The following SNTG2 variants were observed in gnomAD, a reference collection of about 807,000 sequenced individuals.
The protein encoded by SNTG2 is gamma-2-syntrophin.
A neutral mutation model predicts 70.9 loss-of-function variants in SNTG2; 74 were observed. The ratio of observed to expected loss-of-function variants is 1.04; its 90% CI spans 0.86 to 1.27. SNTG2 has a LOEUF of 1.27. SNTG2 is among the 50% of genes most tolerant of loss of function. The pLI is 0.00. For synonymous variants in SNTG2, 278 were observed against 273.8 expected, an observed-to-expected ratio of 1.02 and a Z score of -0.15; for missense variants, 717 against 690.7, an observed-to-expected ratio of 1.04 and a Z score of -0.43.
intron 16 of SNTG2, among the ~76,000 whole-genome samples, chr2:1,338,667 G>A (rs1468224375): frequency 6.6e-6 from 1 of 152,104 alleles, no homozygotes; most frequent in East Asian, 1.9e-4. Context: ...AGAGCTTAAT[G>A]TCTTCAAGGT....
intron 4 of SNTG2, among the ~76,000 whole-genome samples, chr2:1,112,667 C>T (rs997638822): frequency 4.1e-4 from 59 of 144,964 alleles, no homozygotes; most frequent in East Asian, 2.1e-4. Context: ...TTAACCCTTA[C>T]AGTCCTTTGA....
chr2:1,090,935 A>G (rs1028552939), intron 2 of SNTG2, among the ~76,000 whole-genome samples: 19 of 152,104 alleles, frequency 1.2e-4, no homozygotes, highest in African/African-American at 4.3e-4. Context: ...GGTGTTTTCT[A>G]TCTACCGGGA....
rs188215884 is a variant in SNTG2, at chr2:1,087,689, G to A, written c.210+4034G>A. Among the ~76,000 whole-genome samples, 991 of 152,320 alleles carry A rather than the reference G, an allele frequency of 6.5e-3. 25 individuals carry two copies. Among genetic ancestry groups the A allele is most frequent in the Non-Finnish European group, 4.7e-3 (318 of 68,026 alleles). On this transcript the variant is annotated intron_variant, in intron 2 of 16. Transcript: ENST00000308624. ...AGACCATTAAATAACGTATGGTAAT[G>A]TACTAATCGAGTCAGTCTCAAGCCT...
chr2:1,154,288 C>G (rs528065298), intron 6 of SNTG2, among the ~76,000 whole-genome samples: 1 of 152,076 alleles, frequency 6.6e-6, no homozygotes, highest in Non-Finnish European at 1.5e-5. Context: ...CTGGCACGGG[C>G]GTGGAGATGG....
chr2:1,115,577 A>C (rs1452538179), intron 4 of SNTG2, among the ~76,000 whole-genome samples: 1 of 149,382 alleles, frequency 6.7e-6, no homozygotes, highest in Admixed American at 6.7e-5. Flanking sequence ...CTTGTGTACT[A>C]AGTGAGGTTT....
chr2:1,232,097 C>T (rs1438889027), intron 9 of SNTG2, among the ~76,000 whole-genome samples: 1 of 152,136 alleles, frequency 6.6e-6, no homozygotes, highest in Admixed American at 6.5e-5. Context: ...GGCCTCCTGC[C>T]TCTCCTGCTT....
At chr2:1,054,480 G>A (rs1389880589) in intron 1 of SNTG2, among the ~76,000 whole-genome samples, 4 of 152,178 alleles carry the variant, frequency 2.6e-5, no homozygotes, top group African/African-American at 9.7e-5. Flanking sequence ...ATTCCTGAAA[G>A]GAAATCCCAA....
At chr2:1,251,970 G>A (rs1348985439) in intron 12 of SNTG2, among the ~76,000 whole-genome samples, 1 of 152,218 alleles carries the variant, frequency 6.6e-6, no homozygotes, top group African/African-American at 2.4e-5. Flanking sequence ...ATCTTTGTAA[G>A]TTTGAAATGT....
At chr2:1,002,726 C>T (rs1464245331) in intron 1 of SNTG2, among the ~76,000 whole-genome samples, 1 of 149,508 alleles carries the variant, frequency 6.7e-6, no homozygotes, top group Non-Finnish European at 1.5e-5. Flanking sequence ...AACTGCCATT[C>T]AATCCAGCAA....
At chr2:979,967 A>C (rs1214749476) in intron 1 of SNTG2, among the ~76,000 whole-genome samples, 1 of 152,206 alleles carries the variant, frequency 6.6e-6, no homozygotes, top group Non-Finnish European at 1.5e-5. Flanking sequence ...TAAGTATATA[A>C]AAACAAACAC....
At chr2:1,066,698 A>G (rs898603508) in intron 1 of SNTG2, among the ~76,000 whole-genome samples, 8 of 151,994 alleles carry the variant, frequency 5.3e-5, no homozygotes, top group Non-Finnish European at 1.0e-4. Flanking sequence ...ATAAGAGAAG[A>G]CGATGCTTCA....
At position 967,970 on chromosome 2, in the gene SNTG2, A is replaced by G. The variant is rs2147953120; in HGVS notation, c.72+16902A>G. 2.0e-5 allele frequency among the ~76,000 whole-genome samples: 3 copies of G among 152,210 alleles called. 1 individual carries two copies. Among genetic ancestry groups the G allele is most frequent in the Middle Eastern group, 6.8e-3 (2 of 294 alleles). ...AACCCAGGAGACGGAGGTTGCTGTG[A>G]GCCGAGATTGTGCCACTGCAATCCA... On this transcript the variant is annotated intron_variant, in intron 1 of 16. Coordinates refer to ENST00000308624, the MANE Select transcript of SNTG2 (RefSeq NM_018968.4).
chr2:1,111,706 A>G (rs1024510328), intron 4 of SNTG2, among the ~76,000 whole-genome samples: 4 of 152,240 alleles, frequency 2.6e-5, no homozygotes, highest in Non-Finnish European at 4.4e-5. Flanking sequence ...ATGATAAATA[A>G]TCTCCCAAGG....
chr2:1,119,837 A>G (rs1357267293), intron 4 of SNTG2, among the ~76,000 whole-genome samples: 1 of 152,178 alleles, frequency 6.6e-6, no homozygotes, highest in Non-Finnish European at 1.5e-5. Context: ...ATCACCTTGA[A>G]TATTACAAAT....
chr2:1,204,887 C>G (rs1273252922), intron 8 of SNTG2, among the ~76,000 whole-genome samples: 1 of 152,104 alleles, frequency 6.6e-6, no homozygotes, highest in Non-Finnish European at 1.5e-5. Flanking sequence ...AGCAGAAAGG[C>G]TCAGAAGCCT....
intron 16 of SNTG2, among the ~76,000 whole-genome samples, chr2:1,326,172 G>T (rs1681749245): frequency 6.6e-6 from 1 of 152,000 alleles, no homozygotes; most frequent in Admixed American, 6.6e-5. Flanking sequence ...TACAATTTTG[G>T]TACATATATT....
chr2:1,136,567 A>G (rs1290796966), intron 4 of SNTG2, among the ~76,000 whole-genome samples: 1 of 152,222 alleles, frequency 6.6e-6, no homozygotes, highest in Non-Finnish European at 1.5e-5. Context: ...TTTGCTAAAC[A>G]CTAGAAGTAA....
At chr2:1,178,573 G>C (rs1347397403) in intron 8 of SNTG2, among the ~76,000 whole-genome samples, 2 of 152,110 alleles carry the variant, frequency 1.3e-5, no homozygotes, top group East Asian at 3.9e-4. Flanking sequence ...TGTGGTTTTT[G>C]TCATTGGTTA....
intron 1 of SNTG2, among the ~76,000 whole-genome samples, chr2:1,066,163 T>C (rs1345211763): frequency 6.6e-6 from 1 of 152,202 alleles, no homozygotes; most frequent in Non-Finnish European, 1.5e-5. Flanking sequence ...GGCATAAAAA[T>C]CCATGCTTCA....
Sources: gnomAD v4.1 joint callset for allele counts (sites outside exome capture counted in the v4.1 genomes callset) on GRCh38, gnomAD v4.1.1 for gene constraint, MANE v1.5 for transcripts, NCBI Gene and HGNC (gene_info 2026-07-23, HGNC 2026-07-21) for gene names.